SGIP1: variants seen among roughly 807,000 people sequenced by gnomAD.
The protein encoded by SGIP1 is SH3-containing GRB2-like protein 3-interacting protein 1.
SGIP1 carries 38 observed loss-of-function variants against 107.5 expected under a neutral mutation model. The observed-to-expected ratio is 0.35, with a 90% CI of 0.27 to 0.46. The LOEUF (loss-of-function observed/expected upper bound fraction) is 0.46. Ranked by LOEUF, SGIP1 falls within the 20% of genes least tolerant of loss-of-function variation. The probability of loss-of-function intolerance (pLI) is 1.00; values close to 1 mark genes in which losing one functional copy is unlikely to be tolerated. For missense variants in SGIP1, 929 were observed against 1,019.5 expected (o/e 0.91, Z 1.21); for synonymous variants, 365 against 366.1 (o/e 1.00, Z 0.03).
chr1:66,739,533 G>C lies in SGIP1; in HGVS notation c.2230G>C (p.Val744Leu), dbSNP rs1480111170. Reference sequence around the variant, plus strand: ...GCTCCAGGCAGTGCTCCCACCAGCAGTCTGGTATGAAGCCTCCTATTCTCT... The same window carrying C: ...GCTCCAGGCAGTGCTCCCACCAGCACTCTGGTATGAAGCCTCCTATTCTCT... ...TKLQAVLPPAVWNAEQQRILW... is the reference protein window; with the variant it reads ...TKLQAVLPPALWNAEQQRILW... The change falls in exon 22 of 25, where the codon GTC becomes CTC. Residue 744 changes from valine (V) to leucine (L), a missense_variant. Coordinates refer to ENST00000371037, the MANE Select transcript of SGIP1 (RefSeq NM_032291.4). 1 of 1,613,578 alleles carries C rather than the reference G, an allele frequency of 6.2e-7. No homozygotes were observed. Among genetic ancestry groups the C allele is most frequent in the Admixed American group, 1.7e-5 (1 of 60,004 alleles).
intron 19 of SGIP1, among the ~76,000 whole-genome samples, chr1:66,719,777 G>A (rs2093430055): frequency 6.6e-6 from 1 of 152,050 alleles, no homozygotes; most frequent in African/African-American, 2.4e-5. Flanking sequence ...GTCTTTTATT[G>A]TCTTAATCTT....
rs1388128566 is a variant in SGIP1 at position 66,748,467 on chromosome 1, T to C, written c.*5372T>C. ...CCTCTTGATTGGCCCTCACATTTAA[T>C]ATCTGATTTCTCTCCTAAATGGGTA... On this transcript the variant is annotated 3_prime_UTR_variant, in exon 25 of 25. Coordinates refer to ENST00000371037, the MANE Select transcript of SGIP1 (RefSeq NM_032291.4). Among the ~76,000 whole-genome samples the C allele has an allele frequency of 6.6e-6, 1 of 151,994 alleles. No homozygotes were observed. Among genetic ancestry groups the C allele is most frequent in the Admixed American group, 6.6e-5 (1 of 15,258 alleles).
intron 15 of SGIP1, among the ~76,000 whole-genome samples, chr1:66,687,696 C>G (rs1423081807): frequency 6.6e-6 from 1 of 152,064 alleles, no homozygotes; most frequent in Non-Finnish European, 1.5e-5. Flanking sequence ...ACATAGATAC[C>G]TAACAATACC....
rs2085542982 is a variant in SGIP1 at position 66,677,057 on chromosome 1, A to G, written c.700A>G (p.Met234Val). ...WGSGQPINPSMESPKLTRPFP... is the reference protein window; with the variant it reads ...WGSGQPINPSVESPKLTRPFP... ...TTCAGGCCAACCAATTAATCCAAGC[A>G]TGGAGTCGCCAAAGTTAACAAGGCC... is the stretch of plus-strand genomic sequence containing the variant. The change falls in exon 13 of 25, where the codon ATG (methionine) becomes GTG (valine). Residue 234 changes from methionine to valine, a missense_variant. Met to Val is a conservative substitution (Grantham distance 21). Around this residue, in one of 2 missense-constraint regions of SGIP1, gnomAD observed 588 missense variants for 588.6 expected, o/e 1.00. Coordinates refer to ENST00000371037, the MANE Select transcript of SGIP1 (RefSeq NM_032291.4). 5.6e-6 allele frequency: 9 copies of G among 1,614,046 alleles called. No individual in the cohort carries two copies. The East Asian group carries it at 2.0e-4, about 36-fold the overall frequency.
chr1:66,586,282 T>C (rs985349207), intron 1 of SGIP1, among the ~76,000 whole-genome samples: 1 of 152,158 alleles, frequency 6.6e-6, no homozygotes, highest in African/African-American at 2.4e-5. Flanking sequence ...TATTTTTAAA[T>C]CCCCTTGACC....
At chr1:66,714,259 T>C (rs946112148) in intron 18 of SGIP1, among the ~76,000 whole-genome samples, 3 of 152,120 alleles carry the variant, frequency 2.0e-5, no homozygotes, top group South Asian at 2.1e-4. Flanking sequence ...TCCCTTGACA[T>C]ACAGATGGTA....
chr1:66,749,299 T>A lies in SGIP1; in HGVS notation c.*6204T>A, dbSNP rs1257807644. 6.6e-6 allele frequency among the ~76,000 whole-genome samples: 1 copy of A among 151,992 alleles called. No homozygotes were observed. The highest frequency in any genetic ancestry group is 2.4e-5 in the African/African-American group (1 of 41,428). ...TACTAAACAGCTTTAGGAAACTGAA[T>A]CATGATAGATCAATGTTGACAGTAT... On this transcript the variant is annotated 3_prime_UTR_variant, in exon 25 of 25. Transcript: ENST00000371037.
intron 7 of SGIP1, among the ~76,000 whole-genome samples, chr1:66,658,296 C>T (rs970207260): frequency 2.6e-5 from 4 of 151,856 alleles, no homozygotes; most frequent in African/African-American, 9.7e-5. Flanking sequence ...GAAAATTCTG[C>T]CCTGGAGATC....
chr1:66,736,981 A>G (rs985274420), intron 21 of SGIP1, among the ~76,000 whole-genome samples: 1 of 152,186 alleles, frequency 6.6e-6, no homozygotes, highest in Middle Eastern at 3.2e-3. Flanking sequence ...GAAAAAATAT[A>G]TAATATGGCA....
intron 9 of SGIP1, among the ~76,000 whole-genome samples, chr1:66,670,116 C>A (rs2083434628): frequency 1.3e-5 from 2 of 152,190 alleles, no homozygotes; most frequent in Admixed American, 6.5e-5. Context: ...TGTCATTCTC[C>A]TACTGCAGGC....
intron 18 of SGIP1, among the ~76,000 whole-genome samples, chr1:66,698,196 C>T (rs1011578053): frequency 1.3e-5 from 2 of 152,118 alleles, no homozygotes; most frequent in African/African-American, 4.8e-5. Flanking sequence ...ATGGGTGCTT[C>T]ACACTTCCAA....
chr1:66,616,114 CTTG>C (rs1337298811), intron 1 of SGIP1: 2 of 152,306 alleles, frequency 1.3e-5, no homozygotes, highest in East Asian at 1.9e-4. Flanking sequence ...AGTTATACTT[CTTG>C]TTGTGAGTGT....
intron 1 of SGIP1, among the ~76,000 whole-genome samples, chr1:66,609,419 T>C (rs1442932007): frequency 2.0e-5 from 3 of 152,106 alleles, no homozygotes; most frequent in Admixed American, 2.0e-4. Flanking sequence ...GAAGCAAATA[T>C]GTAGAGCACA....
At chr1:66,712,789 G>T (rs533840125) in intron 18 of SGIP1, among the ~76,000 whole-genome samples, 4 of 152,214 alleles carry the variant, frequency 2.6e-5, no homozygotes, top group Middle Eastern at 6.8e-3. Context: ...CTGTCTACAT[G>T]TGTACATCTG....
intron 7 of SGIP1, among the ~76,000 whole-genome samples, chr1:66,655,000 T>G (rs1410407888): frequency 6.6e-6 from 1 of 152,138 alleles, no homozygotes; most frequent in African/African-American, 2.4e-5. Flanking sequence ...ACAGGGAGAA[T>G]CAAAATGAGT....
intron 1 of SGIP1, among the ~76,000 whole-genome samples, chr1:66,619,979 T>C (rs1341039788): frequency 6.6e-6 from 1 of 152,222 alleles, no homozygotes; most frequent in African/African-American, 2.4e-5. Flanking sequence ...AAAATTAGTA[T>C]AGAGTCCAAG....
chr1:66,647,206 A>G (rs1459967194), intron 7 of SGIP1, among the ~76,000 whole-genome samples: 1 of 152,248 alleles, frequency 6.6e-6, no homozygotes, highest in Non-Finnish European at 1.5e-5. Context: ...AATTTTCTGC[A>G]TTATTGCTTC....
intron 19 of SGIP1, among the ~76,000 whole-genome samples, chr1:66,724,456 T>C (rs371051408): frequency 2.0e-5 from 3 of 152,112 alleles, no homozygotes; most frequent in African/African-American, 7.2e-5. Flanking sequence ...ATATAGAAAA[T>C]TTCAGGTCAA....
chr1:66,576,036 T>C (rs184202806), intron 1 of SGIP1, among the ~76,000 whole-genome samples: 1 of 152,188 alleles, frequency 6.6e-6, no homozygotes, highest in South Asian at 2.1e-4. Context: ...AGATCCAAAG[T>C]GAGCCAATAT....
Sources: gnomAD v4.1 joint callset for allele counts (sites outside exome capture counted in the v4.1 genomes callset) on GRCh38, gnomAD v4.1.1 for gene constraint, gnomAD v4.1.1 regional missense constraint, MANE v1.5 for transcripts, NCBI Gene and HGNC (gene_info 2026-07-23, HGNC 2026-07-21) for gene names.